Variants in CMTM1 observed in about 807,000 individuals in gnomAD.
CMTM1 encodes CKLF like MARVEL transmembrane domain containing 1.
In CMTM1, 16 loss-of-function variants were observed where a neutral mutation model predicts 17.8. The ratio of observed to expected loss-of-function variants is 0.90; its 90% CI spans 0.61 to 1.37. CMTM1 has a LOEUF of 1.37. Among genes scored for constraint, CMTM1 ranks in the 40% most tolerant of loss-of-function variants. CMTM1 has a pLI of 0.00. For missense variants in CMTM1, 354 were observed against 375.6 expected, an observed-to-expected ratio of 0.94 and a Z score of 0.47; for synonymous variants, 169 against 154.6, an observed-to-expected ratio of 1.09 and a Z score of -0.69.
chr16:66,575,645 C>T (rs538222665), intron 2 of CMTM1, among the ~76,000 whole-genome samples: 2 of 152,304 alleles, frequency 1.3e-5, no homozygotes, highest in South Asian at 4.1e-4. Flanking sequence ...AACTCCAAGC[C>T]TCCACCATGT....
intron 1 of CMTM1, chr16:66,567,271 TA>T: frequency 2.4e-6 from 1 of 408,368 alleles, no homozygotes; most frequent in Middle Eastern, 7.5e-4. Context: ...ACTCGTCACC[TA>T]CATTAGGTAT....
chr16:66,572,414 C>G (rs112426707), intron 2 of CMTM1, among the ~76,000 whole-genome samples: 42 of 152,282 alleles, frequency 2.8e-4, no homozygotes, highest in African/African-American at 9.9e-4. Flanking sequence ...TGTGTACCTA[C>G]ACAATTTTTC....
Position 66,579,030 on chromosome 16 carries a change from G to A in CMTM1, c.*29G>A. On this transcript the variant is annotated 3_prime_UTR_variant, in exon 4 of 4. Coordinates refer to ENST00000379500, the MANE Select transcript of CMTM1 (RefSeq NM_052999.4). This position sits in a 1 kb window ranked among gnomAD's most constrained non-coding sequence, Gnocchi z 6.5. The stretch of plus-strand genomic sequence containing the variant: ...CAGCCCGGCGCCCTAGCAGATGCAC[G>A]TGTCTGTCGAATCGCTGCCTCCGAG... The A allele has an allele frequency of 1.2e-6, 2 of 1,606,758 alleles. No homozygotes were observed. The highest frequency in any genetic ancestry group is 1.7e-6 in the Non-Finnish European group (2 of 1,177,356).
intron 2 of CMTM1, chr16:66,571,371 A>T (rs1347866057): frequency 2.9e-6 from 1 of 341,718 alleles, no homozygotes. Flanking sequence ...GTCACCCCTC[A>T]CCCCTCATTT....
Position 66,566,443 on chromosome 16 carries a change from C to T in CMTM1, c.-71C>T. On this transcript the variant is annotated 5_prime_UTR_variant, in exon 1 of 4. The change creates a new upstream start codon in the 5' untranslated region. Coordinates refer to ENST00000379500, the MANE Select transcript of CMTM1 (RefSeq NM_052999.4). This position sits in a 1 kb window ranked among gnomAD's most constrained non-coding sequence, Gnocchi z 4.9. The stretch of plus-strand genomic sequence containing the variant: ...GTAGCCAACAGCCGTTGGGACGCGA[C>T]GCTGGTTCCCAGGGGAGAGCCAGCC... 2.0e-6 allele frequency: 3 copies of T among 1,482,598 alleles called. No homozygotes were observed. Among genetic ancestry groups the T allele is most frequent in the East Asian group, 4.5e-5 (2 of 44,076 alleles). The allele number at this position is 1,482,598 out of a possible 1,614,324, so 91.8% of individuals were successfully genotyped here.
chr16:66,577,586 A>G (rs775734560), intron 3 of CMTM1, among the ~76,000 whole-genome samples: 2 of 152,226 alleles, frequency 1.3e-5, no homozygotes, highest in Non-Finnish European at 2.9e-5. Flanking sequence ...GTCTAAAGTG[A>G]GGAATCCAGC....
Position 66,570,025 on chromosome 16 carries a change from CG to C in CMTM1, c.523del (p.Val175PhefsTer5). ...TCACAAGTCTGGAAATCTGCATTGT[CG>C]TTTTTTTTATTCTAATATATGTGCT... is the stretch of plus-strand genomic sequence containing the variant. ...TITSLEICIV[V>X]FFILIYVLTL... is the part of the protein sequence containing the mutation. On this transcript the variant is annotated frameshift_variant, in exon 2 of 4. Transcript: ENST00000379500. LOFTEE classifies it high-confidence loss of function. 1 of 1,612,078 alleles carries C rather than the reference CG, an allele frequency of 6.2e-7. No homozygotes were observed. Among genetic ancestry groups the C allele is most frequent in the South Asian group, 1.1e-5 (1 of 90,868 alleles).
At chr16:66,568,110 A>AATT (rs2012876401) in intron 1 of CMTM1, among the ~76,000 whole-genome samples, 1 of 152,238 alleles carries the variant, frequency 6.6e-6, no homozygotes, top group South Asian at 2.1e-4. Context: ...TCAGTATAAT[A>AATT]CTGATAGGAA....
chr16:66,573,833 CG>C (rs2013890692), intron 2 of CMTM1, among the ~76,000 whole-genome samples: 1 of 151,674 alleles, frequency 6.6e-6, no homozygotes, highest in South Asian at 2.1e-4. Context: ...ATTATAGGCA[CG>C]TACCACCATG....
At position 66,566,541 on chromosome 16, in the gene CMTM1, T is replaced by A. The variant is rs16956746; in HGVS notation, c.28T>A (p.Ser10Thr). The A allele has an allele frequency of 1.7e-4, 280 of 1,612,362 alleles. No individual in the cohort carries two copies. In the African/African-American group the frequency reaches 3.5e-3, roughly 20 times the overall value. Residue 10 changes from serine (S) to threonine (T), a missense_variant, in exon 1 of 4, where the codon TCA becomes ACA. Physicochemically the swap from Ser to Thr is moderately conservative, Grantham distance 58. Transcript: ENST00000379500. This position sits in a 1 kb window ranked among gnomAD's most constrained non-coding sequence, Gnocchi z 4.9. MDPEHAKPE[S>T]SEAPSGNLKQ... ...GGATCCTGAACACGCCAAACCTGAG[T>A]CATCCGAGGCACCTTCAGGGAACTT...
At chr16:66,568,193 A>C (rs926107302) in intron 1 of CMTM1, among the ~76,000 whole-genome samples, 11 of 152,256 alleles carry the variant, frequency 7.2e-5, no homozygotes, top group African/African-American at 2.7e-4. Flanking sequence ...TCAATCTATT[A>C]GCAGATAATA....
chr16:66,575,219 T>C (rs1003585992), intron 2 of CMTM1: 13 of 985,130 alleles, frequency 1.3e-5, no homozygotes, highest in Non-Finnish European at 1.6e-5. Flanking sequence ...TACTATCTGT[T>C]AACATTTTGA....
intron 3 of CMTM1, among the ~76,000 whole-genome samples, chr16:66,578,502 T>C (rs929404337): frequency 3.3e-5 from 5 of 152,264 alleles, no homozygotes; most frequent in East Asian, 1.9e-4. Context: ...CCCAAAAGTC[T>C]TTCCACGGAG....
At chr16:66,574,256 C>T (rs2013953161) in intron 2 of CMTM1, among the ~76,000 whole-genome samples, 1 of 152,178 alleles carries the variant, frequency 6.6e-6, no homozygotes, top group East Asian at 1.9e-4. Flanking sequence ...TCCTCCCACA[C>T]ATGGCCAAGC....
At chr16:66,576,126 G>A (rs1413444342) in intron 2 of CMTM1, among the ~76,000 whole-genome samples, 1 of 152,240 alleles carries the variant, frequency 6.6e-6, no homozygotes, top group East Asian at 1.9e-4. Context: ...GCCGGGCGCG[G>A]TGGCTCACGC....
chr16:66,572,154 G>A (rs1227910647), intron 2 of CMTM1, among the ~76,000 whole-genome samples: 1 of 152,200 alleles, frequency 6.6e-6, no homozygotes, highest in Non-Finnish European at 1.5e-5. Context: ...GATATGCCTT[G>A]TGAGCTCCCA....
chr16:66,572,601 C>T (rs1259082050), intron 2 of CMTM1, among the ~76,000 whole-genome samples: 2 of 152,134 alleles, frequency 1.3e-5, no homozygotes, highest in African/African-American at 2.4e-5. Flanking sequence ...AGCCACAGAA[C>T]ACACGGTCAA....
rs2012373011 is a variant in CMTM1, at chr16:66,566,565, T to G, written c.52T>G (p.Leu18Val). The change falls in exon 1 of 4, where the codon TTG becomes GTG. Residue 18 changes from leucine (L) to valine (V), a missense_variant. Transcript: ENST00000379500. The surrounding 1 kb of genome is among the most constrained non-coding windows in gnomAD (Gnocchi z 4.9). ...PESSEAPSGN[L>V]KQPETAAALA... ...GTCATCCGAGGCACCTTCAGGGAAC[T>G]TGAAACAACCGGAGACTGCCGCAGC... 9.9e-6 allele frequency: 16 copies of G among 1,613,862 alleles called. No homozygotes were observed. In the East Asian group the frequency reaches 3.6e-4, roughly 36 times the overall value.
At chr16:66,574,645 A>G (rs2014001725) in intron 2 of CMTM1, among the ~76,000 whole-genome samples, 1 of 152,240 alleles carries the variant, frequency 6.6e-6, no homozygotes, top group African/African-American at 2.4e-5. Flanking sequence ...GTAAACTATA[A>G]TGTCCATAGT....
Sources: allele counts gnomAD v4.1 joint callset (sites outside exome capture counted in the v4.1 genomes callset), GRCh38; gene constraint gnomAD v4.1.1; non-coding constraint Gnocchi (gnomAD v3.1); transcripts MANE v1.5; gene names NCBI Gene and HGNC (gene_info 2026-07-23, HGNC 2026-07-21).